Variants in HTR2C observed in about 807,000 individuals in gnomAD.
HTR2C encodes the protein 5-hydroxytryptamine receptor 2C, also known as 5-hydroxytryptamine (serotonin) receptor 2C, G protein-coupled.
A neutral mutation model predicts 21.0 loss-of-function variants in HTR2C; 5 were observed. The ratio of observed to expected loss-of-function variants is 0.24; its 90% CI spans 0.12 to 0.50. The LOEUF is 0.50. Among genes scored for constraint, HTR2C ranks in the 20% least tolerant of loss-of-function variants. HTR2C has a pLI of 0.98. For synonymous variants in HTR2C, 150 were observed against 145.3 expected (o/e 1.03, Z -0.23); for missense variants, 271 against 371.2 (o/e 0.73, Z 2.22).
intron 4 of HTR2C, among the ~76,000 whole-genome samples, chrX:114,847,303 T>C (rs1201311257): frequency 9.5e-6 from 1 of 105,383 alleles, no homozygotes; most frequent in Non-Finnish European, 1.9e-5. Flanking sequence ...TGGATGAAAT[T>C]GGAAATCATC....
intron 4 of HTR2C, among the ~76,000 whole-genome samples, chrX:114,738,225 A>G (rs782098827): frequency 6.8e-4 from 76 of 111,309 alleles, no homozygotes; most frequent in African/African-American, 2.3e-3. Context: ...TATAATGACA[A>G]TGCTTAATAA....
intron 1 of HTR2C, among the ~76,000 whole-genome samples, chrX:114,601,287 T>A (rs1323135773): frequency 9.0e-6 from 1 of 111,145 alleles, no homozygotes; most frequent in Non-Finnish European, 1.9e-5. Flanking sequence ...TGCGTCCCTG[T>A]GAAGAGACCA....
At chrX:114,826,189 G>T (rs1556458381) in intron 4 of HTR2C, among the ~76,000 whole-genome samples, 1 of 109,179 alleles carries the variant, frequency 9.2e-6, no homozygotes, top group African/African-American at 3.4e-5. Context: ...TCCTGCCTCA[G>T]CCTCCTGAGT....
chrX:114,835,515 G>A (rs1207940676), intron 4 of HTR2C, among the ~76,000 whole-genome samples: 1 of 109,597 alleles, frequency 9.1e-6, no homozygotes, highest in Non-Finnish European at 1.9e-5. Flanking sequence ...TGAGGCTTCT[G>A]CATTCTTCAG....
intron 2 of HTR2C, among the ~76,000 whole-genome samples, chrX:114,673,284 C>A (rs781849801): frequency 8.9e-5 from 10 of 111,851 alleles, no homozygotes; most frequent in Non-Finnish European, 1.7e-4. Context: ...TTATTACATT[C>A]ATTTTTTATG....
chrX:114,606,429 G>A (rs1055696768), intron 1 of HTR2C, among the ~76,000 whole-genome samples: 5 of 111,716 alleles, frequency 4.5e-5, no homozygotes, highest in Admixed American at 9.4e-5. Flanking sequence ...TCAGAGAGGC[G>A]TCCCTGCAAC....
chrX:114,842,550 T>C (rs1173577633), intron 4 of HTR2C, among the ~76,000 whole-genome samples: 3 of 112,181 alleles, frequency 2.7e-5, no homozygotes, highest in Non-Finnish European at 5.6e-5. Flanking sequence ...GAAAACTTTA[T>C]TTTTAAGGAA....
chrX:114,821,886 T>C (rs2070636417), intron 4 of HTR2C, among the ~76,000 whole-genome samples: 2 of 106,328 alleles, frequency 1.9e-5, no homozygotes, highest in Non-Finnish European at 3.9e-5. Context: ...TCCTTTTTTT[T>C]TTTTTTTTTT....
At chrX:114,675,868 C>CTTTTT (rs1556412476) in intron 2 of HTR2C, among the ~76,000 whole-genome samples, 2 of 94,316 alleles carry the variant, frequency 2.1e-5, no homozygotes, top group Non-Finnish European at 4.2e-5. Context: ...TTTCTTTTTT[C>CTTTTT]TTTTTTCTTT....
chrX:114,829,058 G>A (rs1038152789), intron 4 of HTR2C, among the ~76,000 whole-genome samples: 4 of 111,653 alleles, frequency 3.6e-5, no homozygotes, highest in African/African-American at 1.3e-4. Flanking sequence ...ACTTGCTTGA[G>A]TATCTATAAA....
At chrX:114,688,919 T>C (rs1932013001) in intron 2 of HTR2C, among the ~76,000 whole-genome samples, 1 of 109,660 alleles carries the variant, frequency 9.1e-6, no homozygotes, top group Non-Finnish European at 1.9e-5. Flanking sequence ...TTCTGAGATT[T>C]TGATGCACCC....
chrX:114,642,496 T>C (rs1602657986), intron 2 of HTR2C, among the ~76,000 whole-genome samples: 1 of 112,364 alleles, frequency 8.9e-6, no homozygotes, highest in South Asian at 3.6e-4. Flanking sequence ...TACTATGTGA[T>C]ACCATCATAT....
At chrX:114,815,049 A>G (rs2070572156) in intron 4 of HTR2C, among the ~76,000 whole-genome samples, 1 of 105,841 alleles carries the variant, frequency 9.4e-6, no homozygotes, top group Non-Finnish European at 1.9e-5. Flanking sequence ...AATAAATGGC[A>G]TTCTGCTTTA....
intron 2 of HTR2C, among the ~76,000 whole-genome samples, chrX:114,705,023 G>C (rs1675818456): frequency 9.4e-6 from 1 of 106,763 alleles, no homozygotes; most frequent in African/African-American, 3.4e-5. Context: ...CCTCTTCAAG[G>C]AGAACTACAA....
intron 5 of HTR2C, among the ~76,000 whole-genome samples, chrX:114,875,922 G>GT (rs1209952131): frequency 4.1e-4 from 42 of 101,948 alleles, no homozygotes; most frequent in South Asian, 8.4e-4. Flanking sequence ...TGTAGGATTA[G>GT]TTTTTTTTTT....
intron 2 of HTR2C, among the ~76,000 whole-genome samples, chrX:114,649,004 G>A (rs1474553486): frequency 3.6e-5 from 4 of 111,547 alleles, no homozygotes; most frequent in Non-Finnish European, 7.5e-5. Flanking sequence ...TTTATTGATT[G>A]CCTACTGTAC....
chrX:114,815,574 T>A, intron 4 of HTR2C, among the ~76,000 whole-genome samples: 1 of 111,623 alleles, frequency 9.0e-6, no homozygotes, highest in Non-Finnish European at 1.9e-5. Context: ...TAAGCCAGGA[T>A]GAGGACATGG....
chrX:114,701,761 C>T lies in HTR2C; in HGVS notation c.-79-25097C>T, dbSNP rs1932515112. Among the ~76,000 whole-genome samples, 3 of 111,868 alleles carry T rather than the reference C, an allele frequency of 2.7e-5. No individual in the cohort carries two copies. The Admixed American group carries it at 2.9e-4, about 11-fold the overall frequency. On this transcript the variant is annotated intron_variant, in intron 2 of 5. Coordinates refer to ENST00000276198, the MANE Select transcript of HTR2C (RefSeq NM_000868.4). ...GAAGGCTTCAGACGATCAAACTACT[C>T]CGAGCTACAGGAGGAAATTCAAACC...
chrX:114,794,301 C>A (rs781939971), intron 4 of HTR2C, among the ~76,000 whole-genome samples: 6 of 111,116 alleles, frequency 5.4e-5, no homozygotes, highest in South Asian at 3.8e-4. Flanking sequence ...TTTTAAGCAG[C>A]AGAATACAAT....
Sources: allele counts gnomAD v4.1 joint callset (sites outside exome capture counted in the v4.1 genomes callset), GRCh38; gene constraint gnomAD v4.1.1; transcripts MANE v1.5; gene names NCBI Gene and HGNC (gene_info 2026-07-23, HGNC 2026-07-21).